The following DLX6 variants were observed in gnomAD, a reference collection of about 807,000 sequenced individuals.
DLX6 encodes homeobox protein DLX-6.
DLX6 carries 4 observed loss-of-function variants against 33.5 expected under a neutral mutation model. The observed-to-expected ratio is 0.12, with a 90% CI of 0.06 to 0.27. The LOEUF (loss-of-function observed/expected upper bound fraction) is 0.27. Ranked by LOEUF, DLX6 falls within the 10% of genes least tolerant of loss-of-function variation. The pLI is 1.00. For synonymous variants in DLX6, 184 were observed against 164.8 expected (o/e 1.12, Z -0.89); for missense variants, 382 against 393.3 (o/e 0.97, Z 0.24).
chr7:97,008,273 A>G (rs1789780133), intron 2 of DLX6, among the ~76,000 whole-genome samples: 1 of 152,220 alleles, frequency 6.6e-6, no homozygotes, highest in Admixed American at 6.5e-5. Context: ...AACTTGTGAA[A>G]TGAACTAAGA....
Sources: gnomAD v4.1 joint callset for allele counts (sites outside exome capture counted in the v4.1 genomes callset) on GRCh38, gnomAD v4.1.1 for gene constraint, MANE v1.5 for transcripts, NCBI Gene and HGNC (gene_info 2026-07-23, HGNC 2026-07-21) for gene names.